GLDC: variants seen among roughly 807,000 people sequenced by gnomAD.
GLDC encodes glycine dehydrogenase (decarboxylating), mitochondrial.
In GLDC, 104 loss-of-function variants were observed where a neutral mutation model predicts 121.3. The ratio of observed to expected loss-of-function variants is 0.86; its 90% CI spans 0.73 to 1.01. The LOEUF is 1.01. Ranked by LOEUF, GLDC falls within the 50% of genes least tolerant of loss-of-function variation. The pLI, the probability that GLDC is intolerant of heterozygous loss-of-function variation, is 0.00. For synonymous variants in GLDC, 546 were observed against 480.6 expected (o/e 1.14, Z -1.78); for missense variants, 1,429 against 1,306.6 (o/e 1.09, Z -1.44).
rs2129719724 is a variant in GLDC, at chr9:6,554,692, A to G, written c.2292T>C (p.Gly764=). The G allele has an allele frequency of 6.2e-6, 10 of 1,611,990 alleles. No individual in the cohort carries two copies. The highest frequency in any genetic ancestry group is 8.5e-6 in the Non-Finnish European group (10 of 1,179,586). Residue 764 remains glycine, a synonymous_variant, in exon 19 of 25, where the codon GGT becomes GGC. Transcript: ENST00000321612. The stretch of plus-strand genomic sequence containing the variant: ...ACACTCCGATGGGCCCCATGCCAGG[A>G]CCACCTCCTCCGTGGGGAATGCAGA... The part of the protein sequence containing the change: ...KTFCIPHGGG[G]PGMGPIGVKK...
rs1818139771 is a variant in GLDC at position 6,579,759 on chromosome 9, C to T, written c.1850+7382G>A. Among the ~76,000 whole-genome samples, 3 of 152,328 alleles carry T rather than the reference C, an allele frequency of 2.0e-5. No homozygotes were observed. The South Asian group carries it at 6.2e-4, about 32-fold the overall frequency. ...ATCGAAGTTGTATTGCTATAACTAG[C>T]TGACTTTGCCTCACGCCAGTGCCTA... is the stretch of plus-strand genomic sequence containing the variant. On this transcript the variant is annotated intron_variant, in intron 15 of 24. Coordinates refer to ENST00000321612, the MANE Select transcript of GLDC (RefSeq NM_000170.3).
At chr9:6,621,654 A>T (rs1416979911) in intron 2 of GLDC, among the ~76,000 whole-genome samples, 1 of 152,066 alleles carries the variant, frequency 6.6e-6, no homozygotes, top group Non-Finnish European at 1.5e-5. Flanking sequence ...AGTAGCTGGG[A>T]CTACAGTCGC....
chr9:6,569,524 C>A (rs543596723), intron 15 of GLDC, among the ~76,000 whole-genome samples: 1 of 152,040 alleles, frequency 6.6e-6, no homozygotes, highest in African/African-American at 2.4e-5. Flanking sequence ...TGGTGGTGGG[C>A]ACCTTTAGTC....
intron 8 of GLDC, among the ~76,000 whole-genome samples, chr9:6,600,681 A>C (rs1339684129): frequency 6.6e-6 from 1 of 151,818 alleles, no homozygotes; most frequent in Non-Finnish European, 1.5e-5. Context: ...TCAAAGAAGA[A>C]AAAAAAAGAA....
At chr9:6,606,223 G>A (rs1818728748) in intron 5 of GLDC, 1 of 286,694 alleles carries the variant, frequency 3.5e-6, no homozygotes. Context: ...GCAGGACAAT[G>A]GCGTGAACTT....
At position 6,532,942 on chromosome 9, in the gene GLDC, G is replaced by C; in HGVS notation, c.*75C>G. ...ACTCCTACTTGAGGCTGGGGTGGGA[G>C]ATGAAATCTTTCTTGCTTATCAAAT... On this transcript the variant is annotated 3_prime_UTR_variant, in exon 25 of 25. Transcript: ENST00000321612. 1 of 1,042,560 alleles carries C rather than the reference G, an allele frequency of 9.6e-7. No homozygotes were observed. Among genetic ancestry groups the C allele is most frequent in the Non-Finnish European group, 1.5e-6 (1 of 660,840 alleles). The allele number at this position is 1,042,560 out of a possible 1,614,324, so 64.6% of individuals were successfully genotyped here.
In GLDC at chr9:6,551,029, A is replaced by AT. The variant is rs532754583; in HGVS notation, c.2458-116dup. The AT allele has an allele frequency of 4.0e-4, 311 of 770,600 alleles. 2 individuals carry two copies. In the East Asian group the frequency reaches 4.8e-3, roughly 12 times the overall value. The allele number at this position is 770,600 out of a possible 1,614,324, so 47.7% of individuals were successfully genotyped here. A position where few individuals can be genotyped will look rare whatever the true frequency, so the allele number is the denominator to read the frequency against. On this transcript the variant is annotated intron_variant, in intron 20 of 24. Coordinates refer to ENST00000321612, the MANE Select transcript of GLDC (RefSeq NM_000170.3). ...CACCCACAAAGGAAGGCAGCCCACC[A>AT]TGACTCTGGAGTAAAGATGAGTGGA...
intron 8 of GLDC, among the ~76,000 whole-genome samples, chr9:6,595,420 G>C (rs1045528942): frequency 3.3e-5 from 5 of 152,174 alleles, no homozygotes; most frequent in Non-Finnish European, 5.9e-5. Context: ...ACTACCATCA[G>C]ACATTGAGAA....
intron 2 of GLDC, among the ~76,000 whole-genome samples, chr9:6,629,277 C>T (rs1236694324): frequency 2.0e-5 from 3 of 149,664 alleles, no homozygotes; most frequent in Admixed American, 6.7e-5. Flanking sequence ...TGCAATGGTG[C>T]GATCTCGGCT....
intron 15 of GLDC, among the ~76,000 whole-genome samples, chr9:6,575,592 T>C (rs1389061860): frequency 6.6e-6 from 1 of 152,190 alleles, no homozygotes; most frequent in Non-Finnish European, 1.5e-5. Flanking sequence ...TTAAGAATCT[T>C]CCCATGAAGG....
chr9:6,583,250 C>T (rs1345857014), intron 15 of GLDC, among the ~76,000 whole-genome samples: 1 of 152,104 alleles, frequency 6.6e-6, no homozygotes, highest in Non-Finnish European at 1.5e-5. Flanking sequence ...AGGGACTCAA[C>T]TAGATACTTG....
intron 15 of GLDC, among the ~76,000 whole-genome samples, chr9:6,583,979 T>G (rs754033597): frequency 6.6e-6 from 1 of 152,230 alleles, no homozygotes. Flanking sequence ...GTGAATATAC[T>G]TAATGCCTCT....
intron 7 of GLDC, among the ~76,000 whole-genome samples, chr9:6,603,214 A>G (rs10975677): frequency 6.7e-6 from 1 of 149,360 alleles, no homozygotes; most frequent in Admixed American, 6.7e-5. Flanking sequence ...GGTGACAGAG[A>G]GAGACTCCGT....
At chr9:6,595,773 G>A (rs1818482808) in intron 8 of GLDC, among the ~76,000 whole-genome samples, 1 of 152,094 alleles carries the variant, frequency 6.6e-6, no homozygotes, top group Non-Finnish European at 1.5e-5. Flanking sequence ...AGGTTACAGT[G>A]ACCTATGATT....
intron 21 of GLDC, among the ~76,000 whole-genome samples, chr9:6,550,260 T>C (rs1817483498): frequency 6.6e-6 from 1 of 152,208 alleles, no homozygotes; most frequent in Non-Finnish European, 1.5e-5. Flanking sequence ...GAATCTTTAT[T>C]GACCTGGGCT....
intron 3 of GLDC, among the ~76,000 whole-genome samples, chr9:6,612,741 A>G (rs929736393): frequency 6.6e-6 from 1 of 152,178 alleles, no homozygotes; most frequent in Non-Finnish European, 1.5e-5. Context: ...ACGTGCTTGT[A>G]GTCCCAGCTA....
chr9:6,599,518 C>G lies in GLDC; in HGVS notation c.1155+2591G>C, dbSNP rs142915711. Among the ~76,000 whole-genome samples the G allele has an allele frequency of 7.4e-3, 1,118 of 152,024 alleles. 8 individuals carry two copies. The highest frequency in any genetic ancestry group is 0.02 in the South Asian group (94 of 4,814). ...TGGGCAGATCATGAGATCAGGAGTT[C>G]GAGACCAGCCTGACCAACATGGTGA... On this transcript the variant is annotated intron_variant, in intron 8 of 24. Coordinates refer to ENST00000321612, the MANE Select transcript of GLDC (RefSeq NM_000170.3).
chr9:6,534,918 G>A (rs1817090049), intron 23 of GLDC, 130 bp from the exon 24 acceptor site: 2 of 693,004 alleles, frequency 2.9e-6, no homozygotes, highest in Non-Finnish European at 5.4e-6. Flanking sequence ...TTCAATTTAG[G>A]GGGGTACAAT....
chr9:6,606,597 TC>T lies in GLDC; in HGVS notation c.707del (p.Arg236GlnfsTer11), dbSNP rs779543424. ...ACACGAATCAAATTAATTACTTGGC[TC>T]GAGTCTGGACAACAGCTATTGTCTG... The part of the protein sequence containing the change: ...HPQTIAVVQT[R>X]AKYTGVLTEL... On this transcript the variant is annotated frameshift_variant, in exon 5 of 25. Transcript: ENST00000321612. LOFTEE classifies it high-confidence loss of function. 6.3e-7 allele frequency: 1 copy of T among 1,577,576 alleles called. No homozygotes were observed. Among genetic ancestry groups the T allele is most frequent in the Non-Finnish European group, 8.7e-7 (1 of 1,147,126 alleles).
Sources: gnomAD v4.1 joint callset for allele counts (sites outside exome capture counted in the v4.1 genomes callset) on GRCh38, gnomAD v4.1.1 for gene constraint, MANE v1.5 for transcripts, NCBI Gene and HGNC (gene_info 2026-07-23, HGNC 2026-07-21) for gene names.